Variants in GPALPP1 observed in about 807,000 individuals in gnomAD.
The protein encoded by GPALPP1 is GPALPP motifs containing 1.
Under a neutral mutation model 38.9 loss-of-function variants are expected in GPALPP1, and 30 were observed. That is an observed-to-expected ratio of 0.77 (90% CI 0.58 to 1.05). The LOEUF is 1.05. GPALPP1 is among the 50% of genes least tolerant of loss of function. The pLI is 0.00. For synonymous variants in GPALPP1, 120 were observed against 139.2 expected (o/e 0.86, Z 0.97); for missense variants, 384 against 408.8 (o/e 0.94, Z 0.52).
At position 44,989,759 on chromosome 13, in the gene GPALPP1, C is replaced by T. The variant is rs1398148613; in HGVS notation, c.88+17C>T. The T allele has an allele frequency of 1.9e-6, 3 of 1,583,338 alleles. No individual in the cohort carries two copies. Among genetic ancestry groups the T allele is most frequent in the East Asian group, 4.5e-5 (2 of 44,754 alleles). ...CGAGCCCTGGTAAGCGGCGGCGTCT[C>T]CGCTGCCCACCAGGCCCATCTACCC... On this transcript the variant is annotated intron_variant, in intron 1 of 7. Coordinates refer to ENST00000379151, the MANE Select transcript of GPALPP1 (RefSeq NM_018559.5).
intron 1 of GPALPP1, 93 bp downstream of exon 1, chr13:44,989,835 C>T (rs1872650321): frequency 1.0e-5 from 10 of 977,214 alleles, no homozygotes; most frequent in Middle Eastern, 2.8e-4. Flanking sequence ...CCTAGGAGGG[C>T]GGAGGAGTGG....
In GPALPP1 at chr13:45,011,096, A is replaced by G. The variant is rs542353854; in HGVS notation, c.408+2217A>G. Among the ~76,000 whole-genome samples, 5 of 152,374 alleles carry G rather than the reference A, an allele frequency of 3.3e-5. No homozygotes were observed. The South Asian group carries it at 1.0e-3, about 32-fold the overall frequency. On this transcript the variant is annotated intron_variant, in intron 4 of 7. Transcript: ENST00000379151. ...CAAAGAAGGCAAGGAACATTGTTCC[A>G]GAGAGAGCAGATGGTTTATTTGAAG...
chr13:44,990,002 CCTAA>C (rs1468679879), intron 1 of GPALPP1: 10 of 554,964 alleles, frequency 1.8e-5, no homozygotes, highest in Admixed American at 6.7e-5. Flanking sequence ...TGCACGCTGC[CCTAA>C]CTGACTGATA....
intron 4 of GPALPP1, among the ~76,000 whole-genome samples, chr13:45,012,682 G>A (rs1874567388): frequency 6.6e-6 from 1 of 152,134 alleles, no homozygotes; most frequent in South Asian, 2.1e-4. Context: ...GTCAGGCTGG[G>A]ACAGAGATTA....
chr13:45,003,151 C>T (rs1427703490), intron 1 of GPALPP1, among the ~76,000 whole-genome samples: 1 of 152,108 alleles, frequency 6.6e-6, no homozygotes, highest in African/African-American at 2.4e-5. Flanking sequence ...ATGTCACAGC[C>T]CCACTACTTA....
intron 6 of GPALPP1, among the ~76,000 whole-genome samples, chr13:45,019,519 G>T (rs970027777): frequency 4.0e-5 from 6 of 151,236 alleles, no homozygotes; most frequent in African/African-American, 1.5e-4. Flanking sequence ...AGTTCCAGGA[G>T]TTTTTTTAGT....
downstream of GPALPP1, chr13:45,034,089 A>T (rs1392383451): frequency 2.0e-5 from 3 of 152,162 alleles, no homozygotes; most frequent in Non-Finnish European, 4.4e-5. Context: ...GCTTTCTCAG[A>T]TCATTTCCCT....
chr13:45,006,260 G>A lies in GPALPP1; in HGVS notation c.280G>A (p.Ala94Thr). 1 of 1,609,130 alleles carries A rather than the reference G, an allele frequency of 6.2e-7. No homozygotes were observed. The highest frequency in any genetic ancestry group is 8.5e-7 in the Non-Finnish European group (1 of 1,176,640). ...TGATGATGATGGGTTTTTTGGACCA[G>A]CCCTTCCTCCTGGATTTAAAAAGCA... The part of the protein sequence containing the change: ...DDDDDGFFGP[A>T]LPPGFKKQDD... The change falls in exon 3 of 8, where the codon GCC (alanine) becomes ACC (threonine). Residue 94 changes from alanine to threonine, a missense_variant. By Grantham distance (58) the Ala-to-Thr change is moderately conservative. Coordinates refer to ENST00000379151, the MANE Select transcript of GPALPP1 (RefSeq NM_018559.5).
rs1186229298 is a variant in GPALPP1, at chr13:45,028,186, A to C, written c.*183A>C. 2.7e-6 allele frequency: 1 copy of C among 363,710 alleles called. No homozygotes were observed. Among genetic ancestry groups the C allele is most frequent in the South Asian group, 6.6e-5 (1 of 15,226 alleles). 22.5% of individuals were successfully genotyped at this position (363,710 alleles called of 1,614,324 possible). On this transcript the variant is annotated 3_prime_UTR_variant, in exon 8 of 8. Transcript: ENST00000379151. ...CCTTGTGGGATGAAAAATATGTCTT[A>C]CTGGAAAAATCCCTCATAATAACCT...
At chr13:44,994,292 C>A (rs1300286419) in intron 1 of GPALPP1, among the ~76,000 whole-genome samples, 1 of 150,820 alleles carries the variant, frequency 6.6e-6, no homozygotes, top group Non-Finnish European at 1.5e-5. Flanking sequence ...TAAAAAAATG[C>A]CCTCTCGCGG....
At position 45,029,044 on chromosome 13, in the gene GPALPP1, T is replaced by C. The variant is rs970001115; in HGVS notation, c.*1041T>C. ...CTGCACTCTAGCCTAGGTGACAAGATCGAGAGACTCTGTCTCAAAAAAGAA... is the reference window on the plus strand; with the variant it reads ...CTGCACTCTAGCCTAGGTGACAAGACCGAGAGACTCTGTCTCAAAAAAGAA... On this transcript the variant is annotated 3_prime_UTR_variant, in exon 8 of 8. Coordinates refer to ENST00000379151, the MANE Select transcript of GPALPP1 (RefSeq NM_018559.5). 6 of 151,940 alleles carry C rather than the reference T, an allele frequency of 3.9e-5. No individual in the cohort carries two copies. Among genetic ancestry groups the C allele is most frequent in the African/African-American group, 1.5e-4 (6 of 41,370 alleles). The allele number at this position is 151,940 out of a possible 1,614,324, so 9.4% of individuals were successfully genotyped here. A position where few individuals can be genotyped will look rare whatever the true frequency, so the allele number is the denominator to read the frequency against.
At chr13:45,007,870 ATT>A (rs1874206679) in intron 3 of GPALPP1, among the ~76,000 whole-genome samples, 1 of 152,130 alleles carries the variant, frequency 6.6e-6, no homozygotes, top group African/African-American at 2.4e-5. Flanking sequence ...GAAAGAGAGC[ATT>A]TTTTTATTTT....
intron 3 of GPALPP1, among the ~76,000 whole-genome samples, chr13:45,006,572 C>G (rs539471216): frequency 1.9e-4 from 29 of 152,208 alleles, no homozygotes; most frequent in African/African-American, 6.7e-4. Flanking sequence ...GTGGATCACC[C>G]CTCTCCCCAC....
chr13:45,005,131 C>T (rs1263781883), intron 2 of GPALPP1: 1 of 102,108 alleles, frequency 9.8e-6, no homozygotes, highest in Non-Finnish European at 1.8e-5. Flanking sequence ...TGAAGTCTCA[C>T]TCTGTAGCCC....
chr13:45,026,186 C>CT (rs1180295660), intron 7 of GPALPP1, among the ~76,000 whole-genome samples: 1 of 152,092 alleles, frequency 6.6e-6, no homozygotes, highest in African/African-American at 2.4e-5. Flanking sequence ...TTTCTAAAGA[C>CT]TTTATCAATA....
At position 45,019,000 on chromosome 13, in the gene GPALPP1, T is replaced by TACATATAAATATATATAC. The variant is rs1875119178; in HGVS notation, c.706-1314_706-1297dup. Among the ~76,000 whole-genome samples the TACATATAAATATATATAC allele has an allele frequency of 2.4e-5, 2 of 84,758 alleles. 1 individual carries two copies. The highest frequency in any genetic ancestry group is 6.3e-5 in the African/African-American group (2 of 31,600). 55.6% of individuals were successfully genotyped at this position (84,758 alleles called of 152,430 possible). On this transcript the variant is annotated intron_variant, in intron 6 of 7. Coordinates refer to ENST00000379151, the MANE Select transcript of GPALPP1 (RefSeq NM_018559.5). ...AAATATATATACATATAAATATATATACATATAAATATATATACACATATA... is the reference window on the plus strand; with the variant it reads ...AAATATATATACATATAAATATATATACATATAAATATATATACACATATAAATATATATACACATATA...
At chr13:45,034,419 G>A (rs1287257791), downstream of GPALPP1, 1 of 152,208 alleles carries the variant, frequency 6.6e-6, no homozygotes, top group South Asian at 2.1e-4. Context: ...AGTTGAGGAT[G>A]GGAATTCTAT....
At chr13:45,025,762 A>G (rs1005518199) in intron 7 of GPALPP1, among the ~76,000 whole-genome samples, 2 of 151,040 alleles carry the variant, frequency 1.3e-5, no homozygotes, top group Non-Finnish European at 2.9e-5. Flanking sequence ...TGCTCCGTGT[A>G]TTGATTATCT....
At chr13:45,002,646 T>C (rs1270099642) in intron 1 of GPALPP1, among the ~76,000 whole-genome samples, 1 of 152,206 alleles carries the variant, frequency 6.6e-6, no homozygotes, top group Non-Finnish European at 1.5e-5. Context: ...AAGAGTGTAA[T>C]AGGAAGGTTA....
Sources: allele counts gnomAD v4.1 joint callset (sites outside exome capture counted in the v4.1 genomes callset), GRCh38; gene constraint gnomAD v4.1.1; transcripts MANE v1.5; gene names NCBI Gene and HGNC (gene_info 2026-07-23, HGNC 2026-07-21).